Variants in PCCA observed in about 807,000 individuals in gnomAD.
PCCA encodes propionyl-CoA carboxylase subunit alpha.
In PCCA, 74 loss-of-function variants were observed where a neutral mutation model predicts 101.3. The ratio of observed to expected loss-of-function variants is 0.73; its 90% CI spans 0.61 to 0.89. The LOEUF (loss-of-function observed/expected upper bound fraction) is 0.89, where lower values mean the gene tolerates loss of function less well. PCCA is among the 40% of genes least tolerant of loss of function. PCCA has a pLI of 0.00. For synonymous variants in PCCA, 294 were observed against 313.6 expected (o/e 0.94, Z 0.66); for missense variants, 891 against 907.0 (o/e 0.98, Z 0.23).
At chr13:100,169,180 G>C (rs1435007586) in intron 6 of PCCA, among the ~76,000 whole-genome samples, 1 of 151,554 alleles carries the variant, frequency 6.6e-6, no homozygotes, top group Non-Finnish European at 1.5e-5. Flanking sequence ...AGTGGCTCAC[G>C]CTTGTAATCC....
intron 1 of PCCA, among the ~76,000 whole-genome samples, chr13:100,090,753 A>G (rs2046207334): frequency 6.6e-6 from 1 of 152,226 alleles, no homozygotes; most frequent in Non-Finnish European, 1.5e-5. Flanking sequence ...CTTTGCTTGA[A>G]CTAATTTATT....
intron 8 of PCCA, among the ~76,000 whole-genome samples, chr13:100,241,182 T>C (rs915340755): frequency 6.6e-6 from 1 of 152,226 alleles, no homozygotes; most frequent in East Asian, 1.9e-4. Flanking sequence ...CTGTAATCAC[T>C]ATCTAATTTC....
chr13:100,483,118 G>C (rs1050292931), intron 21 of PCCA, among the ~76,000 whole-genome samples: 2 of 151,790 alleles, frequency 1.3e-5, no homozygotes, highest in African/African-American at 4.8e-5. Context: ...CTTAAAAAAG[G>C]AAAAAAAGAA....
rs372425849 is a variant in PCCA, at chr13:100,110,069, G to T, written c.184-1772G>T. On this transcript the variant is annotated intron_variant, in intron 2 of 23. Coordinates refer to ENST00000376285, the MANE Select transcript of PCCA (RefSeq NM_000282.4). ...AATATGTTGAACCTGGGAGACGGAG[G>T]TTACTGTGAGCTGAGATCGTACCAC... 3.9e-5 allele frequency among the ~76,000 whole-genome samples: 6 copies of T among 152,264 alleles called. No homozygotes were observed. In the East Asian group the frequency reaches 9.7e-4, roughly 25 times the overall value.
At chr13:100,505,265 T>C (rs992034082) in intron 21 of PCCA, among the ~76,000 whole-genome samples, 3 of 152,250 alleles carry the variant, frequency 2.0e-5, no homozygotes, top group African/African-American at 7.2e-5. Flanking sequence ...TTTTTTCTTG[T>C]TTATTTTGTA....
At chr13:100,362,349 C>T (rs956119460) in intron 18 of PCCA, among the ~76,000 whole-genome samples, 5 of 152,152 alleles carry the variant, frequency 3.3e-5, no homozygotes, top group African/African-American at 1.2e-4. Context: ...TATTTCTGCA[C>T]CCAATTATGG....
chr13:100,176,657 C>A (rs2056262914), intron 6 of PCCA, among the ~76,000 whole-genome samples: 2 of 152,160 alleles, frequency 1.3e-5, no homozygotes, highest in South Asian at 4.1e-4. Context: ...AATGTCAGGA[C>A]TCAAGTCCGA....
intron 4 of PCCA, among the ~76,000 whole-genome samples, chr13:100,124,873 G>A (rs1458931366): frequency 2.6e-5 from 4 of 152,054 alleles, no homozygotes; most frequent in Non-Finnish European, 5.9e-5. Flanking sequence ...GATGTATATA[G>A]AGATGAAAGC....
chr13:100,324,802 A>G (rs2068467566), intron 16 of PCCA, among the ~76,000 whole-genome samples: 1 of 152,212 alleles, frequency 6.6e-6, no homozygotes, highest in Non-Finnish European at 1.5e-5. Flanking sequence ...ACACCATGTG[A>G]TGCTGATCAC....
chr13:100,397,166 T>C (rs1049321025), intron 19 of PCCA, among the ~76,000 whole-genome samples: 2 of 152,200 alleles, frequency 1.3e-5, no homozygotes, highest in African/African-American at 4.8e-5. Context: ...AATAAAATAG[T>C]GACCCTTGCC....
At chr13:100,234,184 G>T (rs1232652645) in intron 7 of PCCA, among the ~76,000 whole-genome samples, 3 of 152,148 alleles carry the variant, frequency 2.0e-5, no homozygotes, top group African/African-American at 7.2e-5. Flanking sequence ...AACACTTCCT[G>T]ACAGAGAGGC....
At chr13:100,348,239 A>C (rs765279550) in intron 18 of PCCA, among the ~76,000 whole-genome samples, 1 of 152,014 alleles carries the variant, frequency 6.6e-6, no homozygotes, top group Admixed American at 6.6e-5. Flanking sequence ...TATTTTCCCA[A>C]TTTCTCTATG....
intron 19 of PCCA, among the ~76,000 whole-genome samples, chr13:100,381,875 G>A (rs967279186): frequency 6.6e-6 from 1 of 152,226 alleles, no homozygotes; most frequent in Admixed American, 6.5e-5. Context: ...GTGAGTGGGT[G>A]CAGGAACCAG....
At chr13:100,360,536 A>G (rs956843617) in intron 18 of PCCA, among the ~76,000 whole-genome samples, 1 of 152,232 alleles carries the variant, frequency 6.6e-6, no homozygotes, top group African/African-American at 2.4e-5. Flanking sequence ...GCAAGGACAC[A>G]AAGCACTAAA....
Position 100,449,306 on chromosome 13 carries a change from G to A in PCCA, c.1899+1G>A. The A allele has an allele frequency of 6.6e-7, 1 of 1,507,240 alleles. No homozygotes were observed. The highest frequency in any genetic ancestry group is 1.4e-5 in the African/African-American group (1 of 72,264). The allele number at this position is 1,507,240 out of a possible 1,614,324, so 93.4% of individuals were successfully genotyped here. ...GAGCATTCAGTTTCTTGGTACAGTGGTAAGTATGAAATCATTCTTTATTCT... is the reference window on the plus strand; with the variant it reads ...GAGCATTCAGTTTCTTGGTACAGTGATAAGTATGAAATCATTCTTTATTCT... On this transcript the variant is annotated splice_donor_variant, in intron 21 of 23. Coordinates refer to ENST00000376285, the MANE Select transcript of PCCA (RefSeq NM_000282.4). LOFTEE classifies it high-confidence loss of function.
intron 6 of PCCA, among the ~76,000 whole-genome samples, chr13:100,162,260 A>G (rs1173529204): frequency 6.6e-6 from 1 of 152,224 alleles, no homozygotes; most frequent in East Asian, 1.9e-4. Context: ...GCTTTTAAAA[A>G]TAAGTATGGA....
intron 21 of PCCA, among the ~76,000 whole-genome samples, chr13:100,498,455 A>G (rs1484095229): frequency 6.6e-6 from 1 of 152,192 alleles, no homozygotes. Context: ...TGAAAGCTTT[A>G]CAAATTCATA....
At chr13:100,131,448 A>G (rs2050507581) in intron 4 of PCCA, among the ~76,000 whole-genome samples, 1 of 152,172 alleles carries the variant, frequency 6.6e-6, no homozygotes, top group African/African-American at 2.4e-5. Context: ...ATGTGGGTAT[A>G]TTAGCCACAG....
At chr13:100,301,738 C>A in intron 13 of PCCA, 135 bp downstream of exon 13, 7 of 1,045,954 alleles carry the variant, frequency 6.7e-6, no homozygotes, top group Non-Finnish European at 8.9e-6. Flanking sequence ...ATAATTAAAT[C>A]AGAAAAAAAT....
Sources: gnomAD v4.1 joint callset for allele counts (sites outside exome capture counted in the v4.1 genomes callset) on GRCh38, gnomAD v4.1.1 for gene constraint, MANE v1.5 for transcripts, NCBI Gene and HGNC (gene_info 2026-07-23, HGNC 2026-07-21) for gene names.